NKAIN3: variants seen among roughly 807,000 people sequenced by gnomAD.
NKAIN3 encodes sodium/potassium transporting ATPase interacting 3, also known as sodium/potassium-transporting ATPase subunit beta-1-interacting protein 3.
NKAIN3 carries 25 observed loss-of-function variants against 30.2 expected under a neutral mutation model. That is an observed-to-expected ratio of 0.83 (90% CI 0.60 to 1.16). NKAIN3 has a LOEUF of 1.16. Ranked by LOEUF, NKAIN3 falls within the 50% of genes most tolerant of loss-of-function variation. NKAIN3 has a pLI of 0.00. For missense variants in NKAIN3, 225 were observed against 254.1 expected (o/e 0.89, Z 0.78); for synonymous variants, 91 against 89.6 (o/e 1.02, Z -0.09).
intron 4 of NKAIN3, among the ~76,000 whole-genome samples, chr8:62,836,919 CA>C (rs200454622): frequency 1.3e-5 from 2 of 151,636 alleles, no homozygotes; most frequent in Admixed American, 6.6e-5. Flanking sequence ...TTTTATTAAA[CA>C]AAAAAAATGA....
intron 3 of NKAIN3, among the ~76,000 whole-genome samples, chr8:62,593,512 T>C (rs368986419): frequency 1.6e-3 from 244 of 151,888 alleles, no homozygotes; most frequent in African/African-American, 5.6e-3. Flanking sequence ...TTTGAAAAGA[T>C]TAATAAACTA....
At chr8:62,383,219 A>G (rs1296013362) in intron 1 of NKAIN3, among the ~76,000 whole-genome samples, 1 of 152,148 alleles carries the variant, frequency 6.6e-6, no homozygotes, top group Admixed American at 6.6e-5. Flanking sequence ...TCAGGGACAA[A>G]GCACTGATGG....
intron 1 of NKAIN3, among the ~76,000 whole-genome samples, chr8:62,329,478 A>G (rs1815263412): frequency 6.6e-6 from 1 of 152,126 alleles, no homozygotes; most frequent in Non-Finnish European, 1.5e-5. Flanking sequence ...GAGTTTCTTC[A>G]GCTTACATTC....
chr8:62,785,325 G>A (rs1292998470), intron 4 of NKAIN3, among the ~76,000 whole-genome samples: 1 of 152,114 alleles, frequency 6.6e-6, no homozygotes, highest in Admixed American at 6.6e-5. Context: ...ATTCACAGAA[G>A]ACCACATGGT....
chr8:62,706,068 A>C (rs1814510443), intron 3 of NKAIN3, among the ~76,000 whole-genome samples: 1 of 152,120 alleles, frequency 6.6e-6, no homozygotes, highest in Admixed American at 6.6e-5. Flanking sequence ...GAATCCCAAT[A>C]GTTTTTGTCT....
At chr8:62,281,338 T>C (rs1268654515) in intron 1 of NKAIN3, among the ~76,000 whole-genome samples, 1 of 152,144 alleles carries the variant, frequency 6.6e-6, no homozygotes, top group Non-Finnish European at 1.5e-5. Flanking sequence ...CCTGGATTCA[T>C]GGATTTTTTG....
chr8:62,315,197 G>A (rs1814576089), intron 1 of NKAIN3, among the ~76,000 whole-genome samples: 1 of 152,228 alleles, frequency 6.6e-6, no homozygotes, highest in Admixed American at 6.5e-5. Context: ...TTGAAAAAGC[G>A]ACTACAAAGG....
chr8:62,588,816 T>C (rs1039892212), intron 2 of NKAIN3, among the ~76,000 whole-genome samples: 13 of 151,864 alleles, frequency 8.6e-5, no homozygotes, highest in Admixed American at 8.6e-4. Context: ...AACTGTTGTA[T>C]TTGATATGTT....
intron 1 of NKAIN3, among the ~76,000 whole-genome samples, chr8:62,434,684 T>C (rs565063616): frequency 3.3e-5 from 5 of 152,196 alleles, no homozygotes; most frequent in South Asian, 2.1e-4. Flanking sequence ...GAGATGCCAC[T>C]GTATTAATGC....
intron 1 of NKAIN3, among the ~76,000 whole-genome samples, chr8:62,307,869 A>G (rs1444746900): frequency 1.3e-5 from 2 of 150,608 alleles, no homozygotes; most frequent in Admixed American, 1.3e-4. Context: ...TGTTTTCACT[A>G]TACTAAGGTT....
At chr8:62,347,234 T>C (rs539377658) in intron 1 of NKAIN3, among the ~76,000 whole-genome samples, 2 of 152,260 alleles carry the variant, frequency 1.3e-5, no homozygotes, top group South Asian at 4.1e-4. Flanking sequence ...TGAATGAAGA[T>C]AGGAGCTTTG....
chr8:62,458,546 C>T (rs887720101), intron 1 of NKAIN3, among the ~76,000 whole-genome samples: 1 of 152,176 alleles, frequency 6.6e-6, no homozygotes, highest in Non-Finnish European at 1.5e-5. Context: ...TGGAAGAATG[C>T]ATGTCCTACA....
chr8:62,760,169 C>T (rs1406359501), intron 4 of NKAIN3, among the ~76,000 whole-genome samples: 1 of 152,186 alleles, frequency 6.6e-6, no homozygotes, highest in Non-Finnish European at 1.5e-5. Flanking sequence ...CACTTTTACA[C>T]TGTTGGTGAG....
intron 1 of NKAIN3, among the ~76,000 whole-genome samples, chr8:62,577,176 C>T (rs146783294): frequency 6.6e-6 from 1 of 152,060 alleles, no homozygotes; most frequent in East Asian, 1.9e-4. Flanking sequence ...TTTTTCATGA[C>T]TTTTTATTTG....
chr8:62,439,153 T>C (rs1805252898), intron 1 of NKAIN3, among the ~76,000 whole-genome samples: 1 of 152,170 alleles, frequency 6.6e-6, no homozygotes, highest in Non-Finnish European at 1.5e-5. Flanking sequence ...TATGATCTGA[T>C]GTGAAAAGTA....
At chr8:62,260,721 A>G (rs1241546620) in intron 1 of NKAIN3, among the ~76,000 whole-genome samples, 2 of 152,188 alleles carry the variant, frequency 1.3e-5, no homozygotes, top group Admixed American at 1.3e-4. Context: ...GTTTCCAGGA[A>G]TCATGTGAGC....
intron 1 of NKAIN3, among the ~76,000 whole-genome samples, chr8:62,548,464 C>A (rs915821844): frequency 6.6e-6 from 1 of 152,124 alleles, no homozygotes; most frequent in African/African-American, 2.4e-5. Context: ...CACGGCTCCC[C>A]CTGTGTCGGG....
chr8:62,389,001 C>T lies in NKAIN3; in HGVS notation c.54+139874C>T, dbSNP rs182148603. On this transcript the variant is annotated intron_variant, in intron 1 of 6. Coordinates refer to ENST00000623646, the MANE Select transcript of NKAIN3 (RefSeq NM_001304533.3). ...GTAAAGAAGACCAGAGCAAGCCCTC[C>T]AGGGAGCAGCCCGTATTGAGCTCAC... Among the ~76,000 whole-genome samples the T allele has an allele frequency of 7.2e-5, 11 of 152,296 alleles. No homozygotes were observed. In the East Asian group the frequency reaches 1.9e-3, roughly 27 times the overall value.
At chr8:62,612,243 C>A (rs1298781168) in intron 3 of NKAIN3, among the ~76,000 whole-genome samples, 3 of 151,876 alleles carry the variant, frequency 2.0e-5, no homozygotes, top group Non-Finnish European at 1.5e-5. Context: ...ATACTGGGAC[C>A]TATCTCTCTC....
Sources: gnomAD v4.1 joint callset for allele counts (sites outside exome capture counted in the v4.1 genomes callset) on GRCh38, gnomAD v4.1.1 for gene constraint, MANE v1.5 for transcripts, NCBI Gene and HGNC (gene_info 2026-07-23, HGNC 2026-07-21) for gene names.